TNS4: variants seen among roughly 807,000 people sequenced by gnomAD.
TNS4 encodes tensin-4.
TNS4 carries 46 observed loss-of-function variants against 70.4 expected under a neutral mutation model. The observed-to-expected ratio is 0.65, with a 90% confidence interval of 0.52 to 0.84. TNS4 has a LOEUF of 0.84. Ranked by LOEUF, TNS4 falls within the 40% of genes least tolerant of loss-of-function variation. TNS4 has a pLI of 0.00. For missense variants in TNS4, 863 were observed against 907.0 expected (o/e 0.95, Z 0.62); for synonymous variants, 390 against 366.6 (o/e 1.06, Z -0.73).
At chr17:40,485,142 C>T in intron 4 of TNS4, 135 bp from the exon 5 acceptor site, 1 of 696,086 alleles carries the variant, frequency 1.4e-6, no homozygotes, top group Non-Finnish European at 2.4e-6. Context: ...CAGACCCTAA[C>T]CCCATTGTAT....
intron 2 of TNS4, among the ~76,000 whole-genome samples, chr17:40,492,515 A>G (rs1234628747): frequency 6.6e-6 from 1 of 151,644 alleles, no homozygotes; most frequent in East Asian, 1.9e-4. Flanking sequence ...CTACAAGTTC[A>G]TGCCATCACA....
intron 8 of TNS4, among the ~76,000 whole-genome samples, chr17:40,481,605 ATCTG>A (rs2035922480): frequency 6.6e-6 from 1 of 152,226 alleles, no homozygotes; most frequent in Non-Finnish European, 1.5e-5. Context: ...ACCTCAAGTG[ATCTG>A]CCCGCCTTGG....
intron 8 of TNS4, 189 bp from the exon 9 acceptor site, chr17:40,480,957 T>C: frequency 3.2e-6 from 2 of 622,102 alleles, no homozygotes; most frequent in Non-Finnish European, 5.6e-6. Flanking sequence ...CCCTAAATGC[T>C]TAGTTTGCAA....
intron 8 of TNS4, 44 bp from the exon 9 acceptor site, chr17:40,480,812 G>A (rs2035912539): frequency 6.3e-7 from 1 of 1,588,070 alleles, no homozygotes; most frequent in Non-Finnish European, 8.6e-7. Context: ...GGGCGGGGGT[G>A]GAGTGAATGG....
At position 40,487,475 on chromosome 17, in the gene TNS4, A is replaced by T; in HGVS notation, c.864-15T>A. Reference sequence around the variant, plus strand: ...GGGACTGGCTGCTGCAGCGGGAGAGAGTCAGACAGGGTGTTAGGGCAACAG... The same window carrying T: ...GGGACTGGCTGCTGCAGCGGGAGAGTGTCAGACAGGGTGTTAGGGCAACAG... On this transcript the variant is annotated splice_polypyrimidine_tract_variant and intron_variant, in intron 3 of 12. Coordinates refer to ENST00000254051, the MANE Select transcript of TNS4 (RefSeq NM_032865.6). 1 of 1,589,764 alleles carries T rather than the reference A, an allele frequency of 6.3e-7. No homozygotes were observed. The highest frequency in any genetic ancestry group is 8.6e-7 in the Non-Finnish European group (1 of 1,164,966).
At position 40,478,615 on chromosome 17, in the gene TNS4, G is replaced by A; in HGVS notation, c.1944C>T (p.Thr648=). 1.2e-6 allele frequency: 2 copies of A among 1,614,186 alleles called. No individual in the cohort carries two copies. Among genetic ancestry groups the A allele is most frequent in the Admixed American group, 1.7e-5 (1 of 60,022 alleles). ...VFFRRHYPLT[T]LRFCGMDPEQ... ...CAGGGTCCATACCACAGAAGCGGAG[G>A]GTGGTGAGTGGGTAATGGCGCCGGA... Residue 648 remains threonine, a synonymous_variant, in exon 11 of 13, where the codon ACC becomes ACT. Transcript: ENST00000254051.
At chr17:40,486,643 A>G (rs2035992488) in intron 4 of TNS4, among the ~76,000 whole-genome samples, 1 of 151,386 alleles carries the variant, frequency 6.6e-6, no homozygotes, top group African/African-American at 2.4e-5. Flanking sequence ...TGAACATGCC[A>G]TGCGCTTCCA....
intron 2 of TNS4, among the ~76,000 whole-genome samples, chr17:40,495,493 G>A (rs73983058): frequency 0.012 from 1,768 of 152,142 alleles, 35 homozygotes; most frequent in African/African-American, 0.039. Context: ...GAACACTACC[G>A]GGTCCTTATC....
Position 40,484,907 on chromosome 17 carries a change from G to T in TNS4, c.1375+14C>A. 1 of 1,613,820 alleles carries T rather than the reference G, an allele frequency of 6.2e-7. No homozygotes were observed. The highest frequency in any genetic ancestry group is 8.5e-7 in the Non-Finnish European group (1 of 1,179,718). ...CCCAGACCCTATTCTGGGGTCACTC[G>T]TGCTTCCTTTTACCTTGCTCTCGGG... On this transcript the variant is annotated intron_variant, in intron 5 of 12. Transcript: ENST00000254051.
At chr17:40,494,499 A>G (rs375089650) in intron 2 of TNS4, among the ~76,000 whole-genome samples, 1 of 152,226 alleles carries the variant, frequency 6.6e-6, no homozygotes. Context: ...TGGGAGGCCA[A>G]GGTGGGTGGA....
chr17:40,488,351 T>A (rs2036019861), intron 3 of TNS4, among the ~76,000 whole-genome samples, 195 bp downstream of exon 3: 1 of 152,226 alleles, frequency 6.6e-6, no homozygotes, highest in African/African-American at 2.4e-5. Flanking sequence ...CAAGACTTTT[T>A]ATATTGAATT....
At chr17:40,489,735 C>T (rs1175534034) in intron 2 of TNS4, among the ~76,000 whole-genome samples, 2 of 146,996 alleles carry the variant, frequency 1.4e-5, no homozygotes, top group African/African-American at 5.2e-5. Flanking sequence ...GCAGAGGTTG[C>T]AGTGAGCCGA....
In TNS4 at chr17:40,477,352, C is replaced by T. The variant is rs1597685616; in HGVS notation, c.*236G>A. ...AATGCCCACCAGCATCTAAGAACAGCTGATCTTGTCTATTGGTCTTCTTCT... is the reference window on the plus strand; with the variant it reads ...AATGCCCACCAGCATCTAAGAACAGTTGATCTTGTCTATTGGTCTTCTTCT... On this transcript the variant is annotated 3_prime_UTR_variant, in exon 13 of 13. Transcript: ENST00000254051. 2.0e-6 allele frequency: 1 copy of T among 505,982 alleles called. No individual in the cohort carries two copies. The highest frequency in any genetic ancestry group is 3.3e-5 in the East Asian group (1 of 30,702). The allele number at this position is 505,982 out of a possible 1,614,324, so 31.3% of individuals were successfully genotyped here. A position where few individuals can be genotyped will look rare whatever the true frequency, so the allele number is the denominator to read the frequency against.
Position 40,479,983 on chromosome 17 carries a change from G to A in TNS4, c.1742-141C>T, listed in dbSNP as rs1466142. On this transcript the variant is annotated intron_variant, in intron 9 of 12. Coordinates refer to ENST00000254051, the MANE Select transcript of TNS4 (RefSeq NM_032865.6). The stretch of plus-strand genomic sequence containing the variant: ...AGAGCCGCCACCCAACAGAAAGTGG[G>A]TGTGTGGGTGATCACAGTTTGAGGC... 0.019 allele frequency: 20,127 copies of A among 1,085,308 alleles called. 2,367 individuals carry two copies. The African/African-American group carries it at 0.27, about 15-fold the overall frequency. The allele number at this position is 1,085,308 out of a possible 1,614,324, so 67.2% of individuals were successfully genotyped here.
chr17:40,483,062 AC>A (rs2035947620), intron 6 of TNS4, among the ~76,000 whole-genome samples: 1 of 150,696 alleles, frequency 6.6e-6, no homozygotes, highest in Non-Finnish European at 1.5e-5. Context: ...GAATCCTCCC[AC>A]CTCAGCTTCC....
At chr17:40,491,260 A>G (rs2036062837) in intron 2 of TNS4, among the ~76,000 whole-genome samples, 1 of 152,230 alleles carries the variant, frequency 6.6e-6, no homozygotes, top group Non-Finnish European at 1.5e-5. Context: ...CACTTAGTGT[A>G]CAACGATGTT....
chr17:40,482,089 T>G, intron 8 of TNS4, 40 bp downstream of exon 8: 1 of 1,607,004 alleles, frequency 6.2e-7, no homozygotes, highest in Non-Finnish European at 8.5e-7. Context: ...AACAAACAGG[T>G]CCCCCACCTT....
chr17:40,484,805 C>T, intron 5 of TNS4, 116 bp downstream of exon 5: 1 of 1,386,158 alleles, frequency 7.2e-7, no homozygotes, highest in Non-Finnish European at 1.0e-6. Context: ...GGACATCCCC[C>T]TCCCCCGCTT....
rs369941764 is a variant in TNS4 at position 40,499,730 on chromosome 17, C to T, written c.-96+1804G>A. On this transcript the variant is annotated intron_variant, in intron 1 of 12. Coordinates refer to ENST00000254051, the MANE Select transcript of TNS4 (RefSeq NM_032865.6). ...CCCGCCCTCCCGGGACAGCTGAGGA[C>T]ACAGAGCCGGAACCACGGCTTTTTC... Among the ~76,000 whole-genome samples the T allele has an allele frequency of 1.7e-4, 26 of 152,318 alleles. No individual in the cohort carries two copies. In the East Asian group the frequency reaches 3.7e-3, roughly 21 times the overall value.
Sources: gnomAD v4.1 joint callset for allele counts (sites outside exome capture counted in the v4.1 genomes callset) on GRCh38, gnomAD v4.1.1 for gene constraint, MANE v1.5 for transcripts, NCBI Gene and HGNC (gene_info 2026-07-23, HGNC 2026-07-21) for gene names.